Variants in ZNF454 observed in about 807,000 individuals in gnomAD.
ZNF454 encodes zinc finger protein 454.
In ZNF454, 30 loss-of-function variants were observed where a neutral mutation model predicts 48.2. The observed-to-expected ratio is 0.62, with a 90% CI of 0.47 to 0.84. ZNF454 has a LOEUF of 0.84. ZNF454 is among the 40% of genes least tolerant of loss of function. The probability of loss-of-function intolerance (pLI) is 0.00; values close to 1 mark genes in which losing one functional copy is unlikely to be tolerated. For synonymous variants in ZNF454, 204 were observed against 211.4 expected, an observed-to-expected ratio of 0.97 and a Z score of 0.30; for missense variants, 510 against 623.1, an observed-to-expected ratio of 0.82 and a Z score of 1.93.
At chr5:178,986,952 C>G in the ZNF454 span, 1 of 1,613,984 alleles carries the variant, frequency 6.2e-7, no homozygotes, top group Non-Finnish European at 8.5e-7. Flanking sequence ...CATCTCCGTT[C>G]TCGTTGAACA....
chr5:178,941,944 TCTC>T lies in ZNF454; in HGVS notation c.-108+503_-108+505del, dbSNP rs10609727. On this transcript the variant is annotated intron_variant, in intron 1 of 4. Transcript: ENST00000519564. This position sits in a 1 kb window ranked among gnomAD's most constrained non-coding sequence, Gnocchi z 5.5. The stretch of plus-strand genomic sequence containing the variant: ...AAGAAGACCACCCTCCTTTTCCTCT[TCTC>T]CTGTCACTGCCAGATAAGGCAGCTG... Among the ~76,000 whole-genome samples, 27,374 of 151,816 alleles carry T rather than the reference TCTC, an allele frequency of 0.18. 2,569 individuals carry two copies. The highest frequency in any genetic ancestry group is 0.2 in the Non-Finnish European group (13,466 of 67,888).
chr5:178,985,613 G>T, the ZNF454 span: 73 of 357,784 alleles, frequency 2.0e-4, no homozygotes, highest in Admixed American at 1.7e-3. Flanking sequence ...TGAGGCAGGA[G>T]AATGGCGTGA....
At chr5:178,973,842 CAAAAAAA>C in the ZNF454 span, among the ~76,000 whole-genome samples, 1 of 101,948 alleles carries the variant, frequency 9.8e-6, no homozygotes, top group Non-Finnish European at 2.0e-5. Context: ...GACTTCATCT[CAAAAAAA>C]AAAAAAAAAA....
chr5:178,943,700 TA>T (rs1354537057), intron 2 of ZNF454, among the ~76,000 whole-genome samples: 2 of 152,236 alleles, frequency 1.3e-5, no homozygotes, highest in Non-Finnish European at 2.9e-5. Flanking sequence ...TATAAATTCC[TA>T]AAACGCTTTG....
At chr5:178,967,635 T>A (rs1484980457), downstream of ZNF454, among the ~76,000 whole-genome samples, 1 of 152,102 alleles carries the variant, frequency 6.6e-6, no homozygotes, top group East Asian at 1.9e-4. Flanking sequence ...ACTAGCACCA[T>A]TGATATTCTC....
the ZNF454 span, among the ~76,000 whole-genome samples, chr5:178,975,522 A>G: frequency 6.6e-6 from 1 of 152,236 alleles, no homozygotes; most frequent in Non-Finnish European, 1.5e-5. Flanking sequence ...ATGTGTACAA[A>G]AGATGTTGCT....
At chr5:178,983,097 G>T in the ZNF454 span, 1 of 1,614,062 alleles carries the variant, frequency 6.2e-7, no homozygotes, top group Non-Finnish European at 8.5e-7. Flanking sequence ...GCCGATGAGA[G>T]ACAGATCCGA....
At chr5:178,942,874 T>G (rs920432560) in intron 2 of ZNF454, 50 bp downstream of exon 2, 1 of 1,586,732 alleles carries the variant, frequency 6.3e-7, no homozygotes, top group Non-Finnish European at 8.6e-7. Flanking sequence ...TTGAAGAGTG[T>G]GGCATGTTTG....
rs762148959 is a variant in ZNF454, at chr5:178,964,684, T to C, written c.280T>C (p.Ser94Pro). The C allele has an allele frequency of 6.2e-7, 1 of 1,613,880 alleles. No individual in the cohort carries two copies. The highest frequency in any genetic ancestry group is 8.5e-7 in the Non-Finnish European group (1 of 1,179,756). ...GATGACTATGCCTGCCAGTAAGAAA[T>C]CTACTGTCAAGGCAGAGATTCCTGA... ...DWMTMPASKK[S>P]TVKAEIPEEE... Residue 94 changes from serine to proline, a missense_variant, in exon 5 of 5, where the codon TCT becomes CCT. Physicochemically the swap from Ser to Pro is moderately conservative, Grantham distance 74. Coordinates refer to ENST00000519564, the MANE Select transcript of ZNF454 (RefSeq NM_001178089.3).
chr5:178,971,797 A>G, the ZNF454 span, among the ~76,000 whole-genome samples: 2 of 143,876 alleles, frequency 1.4e-5, no homozygotes, highest in South Asian at 2.2e-4. Flanking sequence ...TGGAGCTTGC[A>G]GTGAGCTGAG....
the ZNF454 span, chr5:178,983,216 C>T: frequency 1.9e-6 from 3 of 1,611,370 alleles, no homozygotes; most frequent in Non-Finnish European, 2.5e-6. Flanking sequence ...CTATCATCCC[C>T]ACCACCTGCA....
chr5:178,985,760 G>A, the ZNF454 span: 22,748 of 454,168 alleles, frequency 0.05, 737 homozygotes, highest in Middle Eastern at 0.07. Context: ...CTCTAAAAAC[G>A]GCATTTATCT....
At chr5:178,970,898 C>T (rs1208039713), downstream of ZNF454, among the ~76,000 whole-genome samples, 43 of 152,274 alleles carry the variant, frequency 2.8e-4, no homozygotes, top group Admixed American at 2.7e-3. Flanking sequence ...GCCAGCCTGG[C>T]CCGAGCCCCC....
the ZNF454 span, chr5:178,987,516 A>G: frequency 3.0e-4 from 136 of 451,856 alleles, no homozygotes; most frequent in Non-Finnish European, 5.0e-4. Context: ...TATAAAATGG[A>G]TGGACCTGGA....
rs940029465 is a variant in ZNF454, at chr5:178,944,177, G to T, written c.33+1353G>T. ...CTGGGATGTGTGGCAGGAATCACTG[G>T]AAAGGATGACCAGCTAGGTGGGAGC... On this transcript the variant is annotated intron_variant, in intron 2 of 4. Transcript: ENST00000519564. The surrounding 1 kb of genome is among the most constrained non-coding windows in gnomAD (Gnocchi z 4.1). Among the ~76,000 whole-genome samples the T allele has an allele frequency of 1.3e-5, 2 of 152,150 alleles. No homozygotes were observed. Among genetic ancestry groups the T allele is most frequent in the African/African-American group, 4.8e-5 (2 of 41,428 alleles).
the ZNF454 span, among the ~76,000 whole-genome samples, chr5:178,973,767 C>A: frequency 6.7e-6 from 1 of 150,012 alleles, no homozygotes; most frequent in Non-Finnish European, 1.5e-5. Flanking sequence ...GGCCTGAACC[C>A]AGGAGGCGGA....
At chr5:178,962,499 A>G (rs1298661925) in intron 4 of ZNF454, among the ~76,000 whole-genome samples, 1 of 151,598 alleles carries the variant, frequency 6.6e-6, no homozygotes, top group Non-Finnish European at 1.5e-5. Context: ...CTTTTCTGCT[A>G]TATTTGATAT....
chr5:178,958,219 C>T (rs1759856735), intron 4 of ZNF454, among the ~76,000 whole-genome samples: 8 of 152,186 alleles, frequency 5.3e-5, no homozygotes, highest in Admixed American at 5.2e-4. Flanking sequence ...GCACTCACAT[C>T]AAGAAATAGA....
At chr5:178,985,717 A>AAAAAAAAAC in the ZNF454 span, 1 of 419,744 alleles carries the variant, frequency 2.4e-6, no homozygotes, top group South Asian at 1.8e-5. Context: ...AAAAAAAACA[A>AAAAAAAAAC]AACAACACAG....
Sources: allele counts gnomAD v4.1 joint callset (sites outside exome capture counted in the v4.1 genomes callset), GRCh38; gene constraint gnomAD v4.1.1; non-coding constraint Gnocchi (gnomAD v3.1); transcripts MANE v1.5; gene names NCBI Gene and HGNC (gene_info 2026-07-23, HGNC 2026-07-21).